Variants in KCNIP4 observed in about 807,000 individuals in gnomAD.
KCNIP4 encodes potassium voltage-gated channel interacting protein 4.
A neutral mutation model predicts 34.0 loss-of-function variants in KCNIP4; 12 were observed. The observed-to-expected ratio is 0.35, with a 90% CI of 0.23 to 0.57. The LOEUF (loss-of-function observed/expected upper bound fraction) is 0.57, where lower values mean the gene tolerates loss of function less well. Ranked by LOEUF, KCNIP4 falls within the 20% of genes least tolerant of loss-of-function variation. The pLI, the probability that KCNIP4 is intolerant of heterozygous loss-of-function variation, is 0.83. For missense variants in KCNIP4, 238 were observed against 311.7 expected, an observed-to-expected ratio of 0.76 and a Z score of 1.78; for synonymous variants, 124 against 102.2, an observed-to-expected ratio of 1.21 and a Z score of -1.29.
chr4:21,441,141 T>C (rs970652836), intron 1 of KCNIP4, among the ~76,000 whole-genome samples: 17 of 151,390 alleles, frequency 1.1e-4, no homozygotes, highest in African/African-American at 3.9e-4. Context: ...ACCTTTCTTT[T>C]TTTTTTTTTT....
intron 1 of KCNIP4, among the ~76,000 whole-genome samples, chr4:21,786,156 C>T (rs1719898199): frequency 1.3e-5 from 2 of 152,194 alleles, no homozygotes; most frequent in South Asian, 2.1e-4. Context: ...ACCATATTGG[C>T]CAGGATGGTC....
intron 1 of KCNIP4, among the ~76,000 whole-genome samples, chr4:21,462,502 A>G (rs1729542642): frequency 6.6e-6 from 1 of 152,066 alleles, no homozygotes; most frequent in Admixed American, 6.6e-5. Flanking sequence ...GGTCCCTCCC[A>G]CAACACACGG....
At chr4:21,519,335 G>C (rs972714145) in intron 1 of KCNIP4, among the ~76,000 whole-genome samples, 17 of 134,470 alleles carry the variant, frequency 1.3e-4, no homozygotes, top group Non-Finnish European at 2.5e-4. Context: ...TAATAGGAGA[G>C]AGAGAGATAC....
chr4:21,696,207 T>C (rs118131544), intron 1 of KCNIP4, among the ~76,000 whole-genome samples: 2,515 of 152,250 alleles, frequency 0.017, 98 homozygotes, highest in Admixed American at 0.093. Context: ...AGTTACTCTC[T>C]TAAAATGGTT....
chr4:21,410,156 C>T (rs1037306449), intron 1 of KCNIP4, among the ~76,000 whole-genome samples: 4 of 151,876 alleles, frequency 2.6e-5, no homozygotes, highest in African/African-American at 9.7e-5. Context: ...ACAATGAGAC[C>T]CATGGCTTTG....
At chr4:21,821,313 C>G (rs892179909) in intron 1 of KCNIP4, among the ~76,000 whole-genome samples, 2 of 152,064 alleles carry the variant, frequency 1.3e-5, no homozygotes, top group Non-Finnish European at 2.9e-5. Context: ...CCAAAGCATC[C>G]TCCTGTAGGT....
intron 1 of KCNIP4, among the ~76,000 whole-genome samples, chr4:21,094,030 C>A (rs1483306388): frequency 1.3e-5 from 2 of 151,440 alleles, no homozygotes; most frequent in African/African-American, 4.9e-5. Context: ...TGCAGTGAGC[C>A]AAGATCACGC....
chr4:21,350,675 T>C (rs903025899), intron 1 of KCNIP4, among the ~76,000 whole-genome samples: 5 of 152,072 alleles, frequency 3.3e-5, no homozygotes. Flanking sequence ...TAGAAGAAGG[T>C]ATTGAAGTGC....
intron 1 of KCNIP4, among the ~76,000 whole-genome samples, chr4:21,637,332 T>G (rs2109223342): frequency 6.6e-6 from 1 of 152,210 alleles, no homozygotes; most frequent in Non-Finnish European, 1.5e-5. Context: ...CACCAGCTAG[T>G]AATTGCTAGA....
intron 1 of KCNIP4, among the ~76,000 whole-genome samples, chr4:21,023,523 T>A (rs1404221523): frequency 1.3e-5 from 2 of 152,134 alleles, no homozygotes; most frequent in South Asian, 2.1e-4. Context: ...GATCTGAATA[T>A]AAATTTCTTC....
At chr4:21,449,784 A>G (rs2109739245) in intron 1 of KCNIP4, among the ~76,000 whole-genome samples, 1 of 152,094 alleles carries the variant, frequency 6.6e-6, no homozygotes, top group South Asian at 2.1e-4. Context: ...TGGTACTGGT[A>G]CATAAGAGGT....
chr4:21,826,071 A>G (rs916561212), intron 1 of KCNIP4, among the ~76,000 whole-genome samples: 4 of 152,170 alleles, frequency 2.6e-5, no homozygotes, highest in African/African-American at 9.6e-5. Flanking sequence ...AAAGGCCAAC[A>G]TGGCTGATAC....
chr4:21,762,114 T>C (rs559143375), intron 1 of KCNIP4, among the ~76,000 whole-genome samples: 107 of 152,276 alleles, frequency 7.0e-4, no homozygotes, highest in African/African-American at 2.5e-3. Context: ...AGTAGCCACA[T>C]TTTAAAAAGT....
chr4:21,530,128 T>C (rs971670134), intron 1 of KCNIP4, among the ~76,000 whole-genome samples: 1 of 152,290 alleles, frequency 6.6e-6, no homozygotes, highest in African/African-American at 2.4e-5. Context: ...GACAGTCTTA[T>C]AGGGAAAGGG....
chr4:21,664,581 A>G (rs1748697907), intron 1 of KCNIP4, among the ~76,000 whole-genome samples: 1 of 152,200 alleles, frequency 6.6e-6, no homozygotes, highest in Non-Finnish European at 1.5e-5. Flanking sequence ...AGTCGTTAAA[A>G]GTGAAGTTTC....
At chr4:20,954,078 G>A (rs972607909) in intron 1 of KCNIP4, among the ~76,000 whole-genome samples, 14 of 152,132 alleles carry the variant, frequency 9.2e-5, no homozygotes, top group African/African-American at 3.1e-4. Flanking sequence ...TGCATTCCAT[G>A]TGATGTATGT....
intron 1 of KCNIP4, among the ~76,000 whole-genome samples, chr4:21,637,195 T>C (rs1355557377): frequency 1.3e-5 from 2 of 152,196 alleles, no homozygotes; most frequent in Non-Finnish European, 2.9e-5. Flanking sequence ...TGGCACTTTA[T>C]ATCCGTTTTA....
chr4:21,773,808 AT>A (rs1718994984), intron 1 of KCNIP4, among the ~76,000 whole-genome samples: 1 of 142,154 alleles, frequency 7.0e-6, no homozygotes, highest in African/African-American at 2.8e-5. Context: ...ATTTTCCTCC[AT>A]TCATTTATTT....
chr4:21,258,020 A>C (rs183962155), intron 1 of KCNIP4, among the ~76,000 whole-genome samples: 313 of 152,258 alleles, frequency 2.1e-3, no homozygotes, highest in Non-Finnish European at 3.4e-3. Context: ...TTGTCCTTAG[A>C]ATCAAATATT....
Sources: allele counts gnomAD v4.1 joint callset (sites outside exome capture counted in the v4.1 genomes callset), GRCh38; gene constraint gnomAD v4.1.1; transcripts MANE v1.5; gene names NCBI Gene and HGNC (gene_info 2026-07-23, HGNC 2026-07-21).